The following PDIA6 variants were observed in gnomAD, a reference collection of about 807,000 sequenced individuals.
The protein encoded by PDIA6 is protein disulfide isomerase family A member 6, also known as protein disulfide-isomerase A6.
In PDIA6, 29 loss-of-function variants were observed where a neutral mutation model predicts 58.4. The ratio of observed to expected loss-of-function variants is 0.50; its 90% CI spans 0.37 to 0.68. The LOEUF (loss-of-function observed/expected upper bound fraction) is 0.68, where lower values mean the gene tolerates loss of function less well. Among genes scored for constraint, PDIA6 ranks in the 30% least tolerant of loss-of-function variants. The pLI is 0.00. For missense variants in PDIA6, 480 were observed against 551.0 expected, an observed-to-expected ratio of 0.87 and a Z score of 1.29; for synonymous variants, 192 against 202.6, an observed-to-expected ratio of 0.95 and a Z score of 0.44.
chr2:10,799,808 A>G (rs1666424412), intron 2 of PDIA6, among the ~76,000 whole-genome samples: 1 of 152,014 alleles, frequency 6.6e-6, no homozygotes, highest in South Asian at 2.1e-4. Context: ...TGCCACATAC[A>G]TATAAATATG....
At chr2:10,786,260 T>C (rs1019227092) in intron 11 of PDIA6, among the ~76,000 whole-genome samples, 2 of 150,866 alleles carry the variant, frequency 1.3e-5, no homozygotes, top group Non-Finnish European at 3.0e-5. Flanking sequence ...GAGGTGGAGG[T>C]TGCAGTGAGC....
intron 1 of PDIA6, among the ~76,000 whole-genome samples, chr2:10,808,650 A>G (rs1666864371): frequency 6.6e-6 from 1 of 152,094 alleles, no homozygotes; most frequent in African/African-American, 2.4e-5. Flanking sequence ...CCATTTCAAG[A>G]GGTGGGAAAG....
chr2:10,788,791 T>G, intron 9 of PDIA6, 22 bp from the exon 10 acceptor site: 1 of 1,597,084 alleles, frequency 6.3e-7, no homozygotes, highest in Non-Finnish European at 8.6e-7. Context: ...AGACAAAGTT[T>G]TTTAAAGGTA....
At chr2:10,785,146 T>C in intron 11 of PDIA6, 116 bp from the exon 12 acceptor site, 1 of 698,502 alleles carries the variant, frequency 1.4e-6, no homozygotes, top group Non-Finnish European at 2.5e-6. Context: ...AGGCATTTCT[T>C]CTCTCTTGCT....
intron 1 of PDIA6, 92 bp downstream of exon 1, chr2:10,812,576 CCGGCCGCCTG>C (rs1404093716): frequency 1.7e-5 from 21 of 1,244,266 alleles, no homozygotes; most frequent in Non-Finnish European, 2.2e-5. Flanking sequence ...AGGCCCACTT[CCGGCCGCCTG>C]CGGCCGCGGC....
At chr2:10,792,077 C>T in intron 5 of PDIA6, 152 bp from the exon 6 acceptor site, 1 of 806,284 alleles carries the variant, frequency 1.2e-6, no homozygotes, top group Non-Finnish European at 1.9e-6. Flanking sequence ...AAATTGGGTA[C>T]ATTCCTCAGC....
At chr2:10,812,392 C>G (rs926321442) in intron 1 of PDIA6, among the ~76,000 whole-genome samples, 4 of 144,006 alleles carry the variant, frequency 2.8e-5, no homozygotes, top group African/African-American at 1.0e-4. Flanking sequence ...CTGGGCTCCG[C>G]GGCTCTCCCG....
At chr2:10,815,783 G>A (rs1667175353), upstream of PDIA6, among the ~76,000 whole-genome samples, 1 of 152,136 alleles carries the variant, frequency 6.6e-6, no homozygotes. Context: ...GACCTCATGT[G>A]ATCCGCCTGC....
At chr2:10,787,570 G>C (rs1159055212) in intron 10 of PDIA6, 131 bp from the exon 11 acceptor site, 1 of 865,910 alleles carries the variant, frequency 1.2e-6, no homozygotes, top group African/African-American at 1.7e-5. Context: ...CAAAAGATGA[G>C]TTTCTATATG....
chr2:10,819,369 GAA>G (rs1558460921), intron 1 of PDIA6: 1 of 1,458,812 alleles, frequency 6.9e-7, no homozygotes, highest in East Asian at 2.5e-5. Context: ...AAGTGAGAGA[GAA>G]GAGGAGATGA....
At chr2:10,804,283 T>C (rs550545853) in intron 1 of PDIA6, among the ~76,000 whole-genome samples, 1 of 151,758 alleles carries the variant, frequency 6.6e-6, no homozygotes, top group African/African-American at 2.4e-5. Flanking sequence ...TACGTTTTCT[T>C]CTAGGGTTTT....
intron 6 of PDIA6, among the ~76,000 whole-genome samples, chr2:10,791,366 A>G (rs1045396894): frequency 6.6e-6 from 1 of 152,122 alleles, no homozygotes; most frequent in African/African-American, 2.4e-5. Flanking sequence ...GGCTGGTCTC[A>G]AAGTCCTGAC....
At chr2:10,833,241 C>G (rs1049118762), upstream of PDIA6, among the ~76,000 whole-genome samples, 2 of 152,226 alleles carry the variant, frequency 1.3e-5, no homozygotes, top group African/African-American at 2.4e-5. Context: ...GCCAGGCTGG[C>G]TCCTGCCCTC....
intron 1 of PDIA6, among the ~76,000 whole-genome samples, chr2:10,803,910 TG>T (rs1666620172): frequency 8.2e-6 from 1 of 121,710 alleles, no homozygotes; most frequent in Admixed American, 9.2e-5. Context: ...CTAGTTTTTG[TG>T]TTTTTTTTTT....
chr2:10,826,616 T>TCC (rs972753930), intron 1 of PDIA6, among the ~76,000 whole-genome samples: 11 of 152,188 alleles, frequency 7.2e-5, no homozygotes, highest in Admixed American at 6.5e-4. Flanking sequence ...TGCCTCAGCC[T>TCC]CCCAAAGTGC....
intron 1 of PDIA6, among the ~76,000 whole-genome samples, chr2:10,825,854 G>A (rs72779474): frequency 0.13 from 19,784 of 152,198 alleles, 1,518 homozygotes; most frequent in Non-Finnish European, 0.17. Flanking sequence ...TGGAGAAATT[G>A]GAACCCTCCA....
intron 1 of PDIA6, among the ~76,000 whole-genome samples, chr2:10,824,866 A>C (rs554542440): frequency 6.6e-5 from 10 of 152,302 alleles, no homozygotes; most frequent in African/African-American, 2.4e-4. Flanking sequence ...TGTGATGGTT[A>C]ATATAGAGTG....
chr2:10,783,560 GTTCA>G lies in PDIA6; in HGVS notation c.*694_*697del. 1 of 286,818 alleles carries G rather than the reference GTTCA, an allele frequency of 3.5e-6. No individual in the cohort carries two copies. Among genetic ancestry groups the G allele is most frequent in the Non-Finnish European group, 6.7e-6 (1 of 149,382 alleles). 17.8% of individuals were successfully genotyped at this position (286,818 alleles called of 1,614,324 possible). A position where few individuals can be genotyped will look rare whatever the true frequency, so the allele number is the denominator to read the frequency against. On this transcript the variant is annotated 3_prime_UTR_variant, in exon 13 of 13. Transcript: ENST00000272227. ...TTCATGTCTTAACGGCTATTTTGAG[GTTCA>G]TTAACAACATAGAAAGCCTTGAACT...
chr2:10,832,954 C>T (rs1667747401), upstream of PDIA6, among the ~76,000 whole-genome samples: 1 of 151,848 alleles, frequency 6.6e-6, no homozygotes, highest in South Asian at 2.1e-4. Flanking sequence ...CCGCAGAAGC[C>T]GGGACTCTGG....
Sources: gnomAD v4.1 joint callset for allele counts (sites outside exome capture counted in the v4.1 genomes callset) on GRCh38, gnomAD v4.1.1 for gene constraint, MANE v1.5 for transcripts, NCBI Gene and HGNC (gene_info 2026-07-23, HGNC 2026-07-21) for gene names.